CSMD1: variants seen among roughly 807,000 people sequenced by gnomAD.
The protein encoded by CSMD1 is CUB and Sushi multiple domains 1.
In CSMD1, 213 loss-of-function variants were observed where a neutral mutation model predicts 417.5. That is an observed-to-expected ratio of 0.51 (90% CI 0.46 to 0.57). The LOEUF (loss-of-function observed/expected upper bound fraction) is 0.57, where lower values mean the gene tolerates loss of function less well. Ranked by LOEUF, CSMD1 falls within the 20% of genes least tolerant of loss-of-function variation. The probability of loss-of-function intolerance (pLI) is 0.00; values close to 1 mark genes in which losing one functional copy is unlikely to be tolerated. For missense variants in CSMD1, 6,923 were observed against 4,529.7 expected, an observed-to-expected ratio of 1.53 and a Z score of -15.17; for synonymous variants, 2,862 against 1,736.8, an observed-to-expected ratio of 1.65 and a Z score of -16.11.
At chr8:4,189,941 GCA>G (rs1444563639) in intron 3 of CSMD1, among the ~76,000 whole-genome samples, 5 of 151,582 alleles carry the variant, frequency 3.3e-5, no homozygotes, top group Admixed American at 6.6e-5. Flanking sequence ...TTTCTAAAAA[GCA>G]GAGAGCATAG....
At chr8:4,895,237 A>G (rs1804401215) in intron 1 of CSMD1, among the ~76,000 whole-genome samples, 1 of 152,166 alleles carries the variant, frequency 6.6e-6, no homozygotes, top group South Asian at 2.1e-4. Flanking sequence ...AACCTGAATC[A>G]CGTTCAGAGA....
intron 5 of CSMD1, among the ~76,000 whole-genome samples, chr8:3,818,981 G>A (rs941600845): frequency 6.6e-6 from 1 of 152,190 alleles, no homozygotes; most frequent in Non-Finnish European, 1.5e-5. Flanking sequence ...TCAAAAGAGA[G>A]GGGAAAAGCT....
intron 7 of CSMD1, among the ~76,000 whole-genome samples, chr8:3,677,839 C>T (rs570178329): frequency 6.6e-6 from 1 of 152,114 alleles, no homozygotes. Context: ...CAATAACATT[C>T]TTTAACTCTA....
At chr8:4,249,048 A>G (rs1354553691) in intron 3 of CSMD1, among the ~76,000 whole-genome samples, 2 of 152,178 alleles carry the variant, frequency 1.3e-5, no homozygotes, top group African/African-American at 4.8e-5. Context: ...TACTCAATGA[A>G]TTTACTATTA....
At chr8:4,208,211 T>G (rs73658482) in intron 3 of CSMD1, among the ~76,000 whole-genome samples, 2,848 of 152,284 alleles carry the variant, frequency 0.019, 118 homozygotes, top group African/African-American at 0.065. Flanking sequence ...ACACAGATAT[T>G]TCTTCTTGCT....
chr8:3,090,274 A>G (rs1029064403), intron 48 of CSMD1, among the ~76,000 whole-genome samples: 29 of 130,408 alleles, frequency 2.2e-4, no homozygotes, highest in Non-Finnish European at 3.7e-4. Context: ...CCGAGATCGC[A>G]CCACTGCACT....
At chr8:4,468,339 G>T (rs1374428964) in intron 2 of CSMD1, among the ~76,000 whole-genome samples, 1 of 152,106 alleles carries the variant, frequency 6.6e-6, no homozygotes, top group Non-Finnish European at 1.5e-5. Context: ...CTTTTTAAAG[G>T]TGTTATCACA....
At chr8:4,181,664 G>C (rs1050458637) in intron 3 of CSMD1, among the ~76,000 whole-genome samples, 51 of 152,058 alleles carry the variant, frequency 3.4e-4, no homozygotes, top group Non-Finnish European at 6.3e-4. Flanking sequence ...TAGATGATCA[G>C]AATAATATTG....
At chr8:4,432,948 C>T (rs953395453) in intron 2 of CSMD1, among the ~76,000 whole-genome samples, 1 of 152,174 alleles carries the variant, frequency 6.6e-6, no homozygotes, top group Non-Finnish European at 1.5e-5. Flanking sequence ...CTCCCCATGG[C>T]TCACGTTACC....
intron 3 of CSMD1, among the ~76,000 whole-genome samples, chr8:4,076,465 G>C (rs1799827160): frequency 6.6e-6 from 1 of 152,154 alleles, no homozygotes; most frequent in South Asian, 2.1e-4. Context: ...CTGTAATAGT[G>C]ACAGCAGGTG....
chr8:4,794,150 C>A (rs1380666798), intron 1 of CSMD1, among the ~76,000 whole-genome samples: 1 of 152,154 alleles, frequency 6.6e-6, no homozygotes, highest in Admixed American at 6.5e-5. Context: ...AATAGACAGT[C>A]AAACTCAATA....
chr8:4,731,592 A>G (rs1809868981), intron 1 of CSMD1, among the ~76,000 whole-genome samples: 1 of 152,202 alleles, frequency 6.6e-6, no homozygotes, highest in South Asian at 2.1e-4. Flanking sequence ...AGTGTGAGGA[A>G]TAAAACTGAA....
intron 49 of CSMD1, among the ~76,000 whole-genome samples, chr8:3,059,434 T>A (rs1332697991): frequency 1.3e-5 from 2 of 152,128 alleles, no homozygotes; most frequent in Non-Finnish European, 2.9e-5. Context: ...GTTAACAGTT[T>A]TCGAGAAATG....
rs566170691 is a variant in CSMD1 at position 4,565,593 on chromosome 8, G to T, written c.302+71749C>A. ...CTACAAAAAATACAAAAATTAGCTGGGTGTGCTTACAGGCACCTGTAGTCC... is the reference window on the plus strand; with the variant it reads ...CTACAAAAAATACAAAAATTAGCTGTGTGTGCTTACAGGCACCTGTAGTCC... On this transcript the variant is annotated intron_variant, in intron 2 of 69. Transcript: ENST00000635120. Among the ~76,000 whole-genome samples the T allele has an allele frequency of 4.6e-5, 7 of 151,612 alleles. No homozygotes were observed. In the South Asian group the frequency reaches 1.5e-3, roughly 32 times the overall value.
intron 5 of CSMD1, among the ~76,000 whole-genome samples, chr8:3,886,865 C>T (rs905078058): frequency 3.9e-5 from 6 of 152,162 alleles, no homozygotes; most frequent in African/African-American, 1.4e-4. Flanking sequence ...TCAATGGCTA[C>T]ACTATACTGG....
intron 8 of CSMD1, among the ~76,000 whole-genome samples, chr8:3,603,027 T>C (rs1801436783): frequency 6.6e-6 from 1 of 152,210 alleles, no homozygotes; most frequent in Admixed American, 6.5e-5. Context: ...CCACCAGCCC[T>C]ATTTGGTGAA....
chr8:3,817,798 G>C (rs1028166826), intron 5 of CSMD1, among the ~76,000 whole-genome samples: 4 of 152,236 alleles, frequency 2.6e-5, no homozygotes, highest in Middle Eastern at 3.4e-3. Context: ...AGTCAGGAAT[G>C]TTTAATAAGC....
intron 3 of CSMD1, among the ~76,000 whole-genome samples, chr8:4,050,346 C>G (rs980607986): frequency 5.9e-5 from 9 of 152,098 alleles, no homozygotes; most frequent in Non-Finnish European, 2.9e-5. Context: ...AGAGCACCCA[C>G]TAAAGTAATT....
chr8:3,599,238 T>C (rs570337500), intron 8 of CSMD1, among the ~76,000 whole-genome samples: 2 of 151,914 alleles, frequency 1.3e-5, no homozygotes, highest in South Asian at 4.1e-4. Context: ...AGTGAAATGA[T>C]TACTGCAGTC....
Sources: gnomAD v4.1 joint callset for allele counts (sites outside exome capture counted in the v4.1 genomes callset) on GRCh38, gnomAD v4.1.1 for gene constraint, MANE v1.5 for transcripts, NCBI Gene and HGNC (gene_info 2026-07-23, HGNC 2026-07-21) for gene names.